Variants in SPATA6L observed in about 807,000 individuals in gnomAD.
SPATA6L encodes the protein spermatogenesis associated 6 like.
SPATA6L carries 68 observed loss-of-function variants against 49.2 expected under a neutral mutation model. The ratio of observed to expected loss-of-function variants is 1.38; its 90% CI spans 1.14 to 1.69. SPATA6L has a LOEUF of 1.69. Among genes scored for constraint, SPATA6L ranks in the 40% most tolerant of loss-of-function variants. The pLI is 0.00. For missense variants in SPATA6L, 668 were observed against 464.3 expected (o/e 1.44, Z -4.03); for synonymous variants, 198 against 165.7 (o/e 1.19, Z -1.50).
intron 3 of SPATA6L, among the ~76,000 whole-genome samples, chr9:4,637,161 C>G (rs1366540687): frequency 6.6e-6 from 1 of 152,148 alleles, no homozygotes; most frequent in Non-Finnish European, 1.5e-5. Context: ...GATCATCGTT[C>G]CCTGTCATCC....
intron 9 of SPATA6L, among the ~76,000 whole-genome samples, chr9:4,610,996 C>G (rs1170029457): frequency 2.0e-5 from 3 of 147,728 alleles, no homozygotes; most frequent in African/African-American, 7.6e-5. Flanking sequence ...AGGACATGAA[C>G]AGACACTTCT....
intron 11 of SPATA6L, among the ~76,000 whole-genome samples, chr9:4,601,566 G>C (rs1823287207): frequency 6.6e-6 from 1 of 152,168 alleles, no homozygotes; most frequent in African/African-American, 2.4e-5. Context: ...GGGACTCATT[G>C]TTTTTGGCTC....
At chr9:4,643,223 G>C (rs1834434304) in intron 3 of SPATA6L, among the ~76,000 whole-genome samples, 1 of 152,152 alleles carries the variant, frequency 6.6e-6, no homozygotes, top group South Asian at 2.1e-4. Flanking sequence ...GGCCAGGTTG[G>C]TCTCAAACTC....
chr9:4,654,500 A>G (rs975293921), intron 3 of SPATA6L, among the ~76,000 whole-genome samples: 3 of 152,160 alleles, frequency 2.0e-5, no homozygotes, highest in Non-Finnish European at 2.9e-5. Flanking sequence ...TGTTAGCTCA[A>G]TTAGACCCTC....
intron 5 of SPATA6L, chr9:4,628,609 G>C (rs1449176100): frequency 6.4e-6 from 1 of 155,866 alleles, no homozygotes; most frequent in Admixed American, 6.5e-5. Context: ...ACCATGCCCA[G>C]CTACTTTTTG....
At chr9:4,657,610 A>T (rs1838591931) in intron 2 of SPATA6L, among the ~76,000 whole-genome samples, 1 of 152,228 alleles carries the variant, frequency 6.6e-6, no homozygotes, top group African/African-American at 2.4e-5. Flanking sequence ...GGAGCGATTC[A>T]TAAACTAGGC....
intron 9 of SPATA6L, among the ~76,000 whole-genome samples, chr9:4,606,425 T>G (rs1368909593): frequency 2.6e-5 from 2 of 75,890 alleles, no homozygotes; most frequent in South Asian, 4.6e-4. Flanking sequence ...AGAGCAGTGG[T>G]TCTCCCAGTA....
In SPATA6L at chr9:4,600,674, C is replaced by A. The variant is rs1268071965; in HGVS notation, c.*137G>T. On this transcript the variant is annotated 3_prime_UTR_variant, in exon 12 of 12. Coordinates refer to ENST00000682582, the MANE Select transcript of SPATA6L (RefSeq NM_001353486.2). ...TTACCTGGGCACAAAAGACTGAGTA[C>A]AGGGTTTGGTTTAAAGGGGATTAGA... is the stretch of plus-strand genomic sequence containing the variant. The A allele has an allele frequency of 6.6e-6, 1 of 152,152 alleles. No homozygotes were observed. The allele number at this position is 152,152 out of a possible 1,614,324, so 9.4% of individuals were successfully genotyped here. A position where few individuals can be genotyped will look rare whatever the true frequency, so the allele number is the denominator to read the frequency against.
At chr9:4,666,071 A>C in intron 1 of SPATA6L, 141 bp downstream of exon 1, 6 of 718,768 alleles carry the variant, frequency 8.3e-6, no homozygotes, top group African/African-American at 2.0e-5. Flanking sequence ...TATGGAGAAA[A>C]AGACAAAGGT....
rs559479992 is a variant in SPATA6L at position 4,651,705 on chromosome 9, T to C, written c.226+4336A>G. 7.8e-4 allele frequency among the ~76,000 whole-genome samples: 118 copies of C among 152,176 alleles called. 1 individual carries two copies. In the South Asian group the frequency reaches 0.021, roughly 26 times the overall value. ...TGAAATAAAGGATAAAAAAATCACA[T>C]GATCATCTCAATAGATGTAGAAAAG... On this transcript the variant is annotated intron_variant, in intron 3 of 11. Coordinates refer to ENST00000682582, the MANE Select transcript of SPATA6L (RefSeq NM_001353486.2).
At position 4,604,335 on chromosome 9, in the gene SPATA6L, T is replaced by C. The variant is rs568526466; in HGVS notation, c.1090-66A>G. On this transcript the variant is annotated intron_variant, in intron 10 of 11. Coordinates refer to ENST00000682582, the MANE Select transcript of SPATA6L (RefSeq NM_001353486.2). ...ATAATAGAGATGGATGATACCCAGA[T>C]GTGTAGTTTTGCATGTAGGAGGTCT... is the stretch of plus-strand genomic sequence containing the variant. 2.4e-4 allele frequency: 254 copies of C among 1,062,572 alleles called. 3 individuals carry two copies. The Middle Eastern group carries it at 2.5e-3, about 11-fold the overall frequency. The allele number at this position is 1,062,572 out of a possible 1,614,324, so 65.8% of individuals were successfully genotyped here.
downstream of SPATA6L, among the ~76,000 whole-genome samples, chr9:4,594,355 G>A (rs941913774): frequency 2.0e-5 from 3 of 152,196 alleles, no homozygotes; most frequent in Admixed American, 6.5e-5. Flanking sequence ...GACTACAGGC[G>A]CCCGCCAGCA....
intron 2 of SPATA6L, among the ~76,000 whole-genome samples, chr9:4,660,714 A>G (rs1839445031): frequency 6.6e-6 from 1 of 152,248 alleles, no homozygotes; most frequent in African/African-American, 2.4e-5. Flanking sequence ...TCATGCTACT[A>G]TAAAGACACA....
chr9:4,629,749 T>TTA (rs889054111), intron 4 of SPATA6L, among the ~76,000 whole-genome samples: 5,143 of 121,176 alleles, frequency 0.042, 171 homozygotes, highest in African/African-American at 0.1. Flanking sequence ...ATATTGTGTT[T>TTA]TATATATGTG....
chr9:4,630,573 T>G (rs1831310216), intron 4 of SPATA6L, among the ~76,000 whole-genome samples: 1 of 152,190 alleles, frequency 6.6e-6, no homozygotes. Context: ...TTTACCCATC[T>G]CTCAATGTCT....
chr9:4,606,533 G>A (rs536669453), intron 9 of SPATA6L, among the ~76,000 whole-genome samples: 2 of 38,444 alleles, frequency 5.2e-5, no homozygotes, highest in African/African-American at 8.8e-5. Context: ...CCCCAGCAGG[G>A]GCACACTGAC....
chr9:4,653,861 C>T (rs1837486699), intron 3 of SPATA6L, among the ~76,000 whole-genome samples: 1 of 152,154 alleles, frequency 6.6e-6, no homozygotes, highest in Non-Finnish European at 1.5e-5. Flanking sequence ...CACTTGAGCC[C>T]AGAAAGTTGA....
At chr9:4,659,146 C>T (rs1454965805) in intron 2 of SPATA6L, among the ~76,000 whole-genome samples, 2 of 152,170 alleles carry the variant, frequency 1.3e-5, no homozygotes, top group Non-Finnish European at 1.5e-5. Context: ...TCTCTCCTCA[C>T]TTATCCAGCC....
intron 3 of SPATA6L, among the ~76,000 whole-genome samples, chr9:4,650,269 T>C (rs1836500190): frequency 6.6e-6 from 1 of 152,214 alleles, no homozygotes; most frequent in African/African-American, 2.4e-5. Flanking sequence ...TGTCTGGTCC[T>C]TTCTCTATAT....
Sources: gnomAD v4.1 joint callset for allele counts (sites outside exome capture counted in the v4.1 genomes callset) on GRCh38, gnomAD v4.1.1 for gene constraint, MANE v1.5 for transcripts, NCBI Gene and HGNC (gene_info 2026-07-23, HGNC 2026-07-21) for gene names.